Variants in CSMD1 observed in about 807,000 individuals in gnomAD.
The protein encoded by CSMD1 is CUB and Sushi multiple domains 1.
A neutral mutation model predicts 417.5 loss-of-function variants in CSMD1; 213 were observed. The observed-to-expected ratio is 0.51, with a 90% confidence interval of 0.46 to 0.57. CSMD1 has a LOEUF of 0.57. Among genes scored for constraint, CSMD1 ranks in the 20% least tolerant of loss-of-function variants. The pLI is 0.00. For synonymous variants in CSMD1, 2,862 were observed against 1,736.8 expected, an observed-to-expected ratio of 1.65 and a Z score of -16.11; for missense variants, 6,923 against 4,529.7, an observed-to-expected ratio of 1.53 and a Z score of -15.17.
chr8:4,767,980 G>A (rs936715211), intron 1 of CSMD1, among the ~76,000 whole-genome samples: 1 of 152,168 alleles, frequency 6.6e-6, no homozygotes, highest in African/African-American at 2.4e-5. Flanking sequence ...CTAGCACAGA[G>A]TGTGGAGCAT....
At chr8:4,602,155 G>C (rs1800624493) in intron 2 of CSMD1, among the ~76,000 whole-genome samples, 1 of 152,100 alleles carries the variant, frequency 6.6e-6, no homozygotes, top group African/African-American at 2.4e-5. Context: ...AGGTGAACTG[G>C]CTTAATGTAA....
intron 5 of CSMD1, among the ~76,000 whole-genome samples, chr8:3,797,709 C>G (rs1036532053): frequency 2.0e-5 from 3 of 151,886 alleles, no homozygotes; most frequent in Non-Finnish European, 2.9e-5. Context: ...CTAATACAAA[C>G]AAAGCTGCTA....
intron 1 of CSMD1, among the ~76,000 whole-genome samples, chr8:4,651,762 C>T (rs1016029186): frequency 6.6e-6 from 1 of 152,192 alleles, no homozygotes; most frequent in African/African-American, 2.4e-5. Flanking sequence ...TACTCCCCAT[C>T]TGTATTTAAT....
chr8:4,097,568 G>A (rs1801085352), intron 3 of CSMD1, among the ~76,000 whole-genome samples: 2 of 152,208 alleles, frequency 1.3e-5, no homozygotes, highest in Admixed American at 6.5e-5. Flanking sequence ...ACTACTCAGT[G>A]CAGTATGATT....
In CSMD1 at chr8:2,962,653, C is replaced by T. The variant is rs376669274; in HGVS notation, c.9455-14G>A. ...CGCAGAACACAGCTATGGAAGATAA[C>T]CAGGAAGAAGTCAGCCTTCAACGTC... On this transcript the variant is annotated splice_polypyrimidine_tract_variant and intron_variant, in intron 60 of 69. Coordinates refer to ENST00000635120, the MANE Select transcript of CSMD1 (RefSeq NM_033225.6). 12 of 1,610,712 alleles carry T rather than the reference C, an allele frequency of 7.5e-6. No homozygotes were observed. The highest frequency in any genetic ancestry group is 1.0e-5 in the Non-Finnish European group (12 of 1,178,008).
chr8:3,824,117 G>C (rs1011331334), intron 5 of CSMD1, among the ~76,000 whole-genome samples: 1 of 152,106 alleles, frequency 6.6e-6, no homozygotes, highest in Non-Finnish European at 1.5e-5. Context: ...CTCATGCTAT[G>C]TCGGAAGAAA....
chr8:4,428,652 C>G (rs1466942196), intron 2 of CSMD1, among the ~76,000 whole-genome samples: 1 of 151,938 alleles, frequency 6.6e-6, no homozygotes, highest in African/African-American at 2.4e-5. Flanking sequence ...ACTTTTAGGG[C>G]TTATTAAAAT....
intron 2 of CSMD1, among the ~76,000 whole-genome samples, chr8:4,565,771 T>C (rs909665307): frequency 2.0e-4 from 6 of 30,356 alleles, no homozygotes; most frequent in Admixed American, 6.0e-4. Flanking sequence ...TATATATATA[T>C]ATATATATAT....
At chr8:3,336,908 A>G (rs919947201) in intron 23 of CSMD1, among the ~76,000 whole-genome samples, 1 of 152,084 alleles carries the variant, frequency 6.6e-6, no homozygotes, top group African/African-American at 2.4e-5. Context: ...CTTCTCCAAA[A>G]CACAGGTCTT....
At chr8:4,461,086 G>A (rs1331226608) in intron 2 of CSMD1, among the ~76,000 whole-genome samples, 1 of 150,542 alleles carries the variant, frequency 6.6e-6, no homozygotes, top group Admixed American at 6.6e-5. Context: ...TTTATCTCAG[G>A]AATGCAAGAT....
chr8:4,491,855 A>C (rs1801721110), intron 2 of CSMD1, among the ~76,000 whole-genome samples: 1 of 152,172 alleles, frequency 6.6e-6, no homozygotes, highest in Non-Finnish European at 1.5e-5. Flanking sequence ...ACGATCCAGC[A>C]ACTGTCCTCT....
intron 26 of CSMD1, among the ~76,000 whole-genome samples, chr8:3,276,492 C>G (rs1309823444): frequency 6.6e-6 from 1 of 152,142 alleles, no homozygotes; most frequent in African/African-American, 2.4e-5. Context: ...ATTTATAAAA[C>G]CATGAGATCT....
At chr8:3,837,186 C>G (rs1348292335) in intron 5 of CSMD1, among the ~76,000 whole-genome samples, 1 of 151,978 alleles carries the variant, frequency 6.6e-6, no homozygotes, top group Non-Finnish European at 1.5e-5. Context: ...GTTTCACAGT[C>G]TGTGGTCAAA....
chr8:4,105,799 C>T (rs1801538959), intron 3 of CSMD1, among the ~76,000 whole-genome samples: 1 of 152,180 alleles, frequency 6.6e-6, no homozygotes. Context: ...TGAAAAGTGT[C>T]CTTTCCACTG....
intron 3 of CSMD1, among the ~76,000 whole-genome samples, chr8:4,357,365 G>C (rs973415971): frequency 2.6e-5 from 4 of 152,098 alleles, no homozygotes; most frequent in African/African-American, 7.2e-5. Context: ...GTAGAGCTGA[G>C]CCCACTGTAT....
At chr8:3,531,889 A>C (rs1195465137) in intron 10 of CSMD1, among the ~76,000 whole-genome samples, 1 of 152,144 alleles carries the variant, frequency 6.6e-6, no homozygotes, top group Non-Finnish European at 1.5e-5. Context: ...CCTCTCCCCT[A>C]ATCAGCACAT....
At chr8:4,921,417 G>A (rs1421468311) in intron 1 of CSMD1, among the ~76,000 whole-genome samples, 1 of 152,076 alleles carries the variant, frequency 6.6e-6, no homozygotes, top group East Asian at 1.9e-4. Context: ...TGAATTAATG[G>A]GAGTTTATAT....
chr8:3,717,265 G>C (rs1489221347), intron 6 of CSMD1, among the ~76,000 whole-genome samples: 3 of 151,996 alleles, frequency 2.0e-5, no homozygotes, highest in Admixed American at 6.6e-5. Flanking sequence ...TTCAGATTTT[G>C]ATTAATCAAC....
intron 3 of CSMD1, among the ~76,000 whole-genome samples, chr8:4,307,529 G>T (rs1395148773): frequency 6.6e-6 from 1 of 152,160 alleles, no homozygotes; most frequent in African/African-American, 2.4e-5. Context: ...TGCCTGGTCT[G>T]TTCAAGTAAT....
Sources: gnomAD v4.1 joint callset for allele counts (sites outside exome capture counted in the v4.1 genomes callset) on GRCh38, gnomAD v4.1.1 for gene constraint, MANE v1.5 for transcripts, NCBI Gene and HGNC (gene_info 2026-07-23, HGNC 2026-07-21) for gene names.